The following PCDHA9 variants were observed in gnomAD, a reference collection of about 807,000 sequenced individuals.
PCDHA9 encodes protocadherin alpha-9.
A neutral mutation model predicts 62.0 loss-of-function variants in PCDHA9; 62 were observed. That is an observed-to-expected ratio of 1.00 (90% confidence interval 0.81 to 1.23). PCDHA9 has a LOEUF of 1.23. Among genes scored for constraint, PCDHA9 ranks in the 50% most tolerant of loss-of-function variants. PCDHA9 has a pLI of 0.00. For missense variants in PCDHA9, 1,205 were observed against 1,249.8 expected (o/e 0.96, Z 0.54); for synonymous variants, 557 against 567.6 (o/e 0.98, Z 0.27).
At position 140,851,623 on chromosome 5, in the gene PCDHA9, TA is replaced by T. The variant is rs1286415417; in HGVS notation, c.2394+737del. 3.6e-5 allele frequency: 33 copies of T among 920,270 alleles called. 3 individuals carry two copies. Among genetic ancestry groups the T allele is most frequent in the Non-Finnish European group, 3.8e-5 (29 of 756,686 alleles). The allele number at this position is 920,270 out of a possible 1,614,324, so 57.0% of individuals were successfully genotyped here. On this transcript the variant is annotated intron_variant, in intron 1 of 3. Transcript: ENST00000532602. ...TACAGAAATTGGAGAAAATGCTTTT[TA>T]AACAAGTGTTTCCTTTCTTCAAGAA... is the stretch of plus-strand genomic sequence containing the variant.
At chr5:140,892,086 C>T (rs965682257) in intron 1 of PCDHA9, among the ~76,000 whole-genome samples, 1 of 152,156 alleles carries the variant, frequency 6.6e-6, no homozygotes, top group Non-Finnish European at 1.5e-5. Context: ...CTAGTTTCCT[C>T]TCGAAACTTT....
chr5:140,983,270 GGGT>G (rs1349296894), intron 3 of PCDHA9, among the ~76,000 whole-genome samples: 4 of 152,152 alleles, frequency 2.6e-5, no homozygotes, highest in Non-Finnish European at 2.9e-5. Flanking sequence ...CCTAATGGCT[GGGT>G]GAGTATAGGA....
chr5:140,968,355 G>C lies in PCDHA9; in HGVS notation c.2395-10594G>C. On this transcript the variant is annotated intron_variant, in intron 1 of 3. Transcript: ENST00000532602. ...GTCTCCATTAACAGTGCCAGTGGCA[G>C]CCTTTATGCTGTCAACTCCTTTGAC... 1 of 1,614,080 alleles carries C rather than the reference G, an allele frequency of 6.2e-7. No individual in the cohort carries two copies. The highest frequency in any genetic ancestry group is 8.5e-7 in the Non-Finnish European group (1 of 1,180,010).
At chr5:140,942,907 C>T (rs990206907) in intron 1 of PCDHA9, among the ~76,000 whole-genome samples, 14 of 151,044 alleles carry the variant, frequency 9.3e-5, no homozygotes, top group Non-Finnish European at 1.6e-4. Flanking sequence ...TAAGAATAAG[C>T]GTGAAGAAAA....
intron 3 of PCDHA9, among the ~76,000 whole-genome samples, chr5:141,006,902 A>T (rs1563704110): frequency 6.6e-6 from 1 of 152,218 alleles, no homozygotes; most frequent in Non-Finnish European, 1.5e-5. Context: ...AGATTTCTTC[A>T]GTTTGGGATG....
intron 1 of PCDHA9, among the ~76,000 whole-genome samples, chr5:140,975,280 T>G (rs914764307): frequency 5.3e-5 from 8 of 152,252 alleles, no homozygotes; most frequent in Admixed American, 3.9e-4. Context: ...CTCTGACCTC[T>G]AGACCCAGAT....
intron 1 of PCDHA9, among the ~76,000 whole-genome samples, chr5:140,893,651 A>G (rs1422431076): frequency 6.6e-6 from 1 of 152,106 alleles, no homozygotes; most frequent in Non-Finnish European, 1.5e-5. Context: ...TTTGGCTGAT[A>G]GTTTTAAAAA....
intron 3 of PCDHA9, among the ~76,000 whole-genome samples, chr5:140,987,213 CA>C (rs58319157): frequency 0.029 from 3,412 of 118,662 alleles, 64 homozygotes; most frequent in African/African-American, 0.058. Flanking sequence ...GACTCCATCT[CA>C]AAAAAAAAAA....
At chr5:140,909,598 T>A (rs934160611) in intron 1 of PCDHA9, among the ~76,000 whole-genome samples, 1 of 152,198 alleles carries the variant, frequency 6.6e-6, no homozygotes, top group Non-Finnish European at 1.5e-5. Flanking sequence ...ATTTACTATT[T>A]TTCTAGGTAG....
intron 1 of PCDHA9, among the ~76,000 whole-genome samples, chr5:140,951,224 A>G (rs539647356): frequency 3.2e-4 from 49 of 151,938 alleles, no homozygotes; most frequent in Non-Finnish European, 6.9e-4. Context: ...TGGATTCTTG[A>G]TGGTCTTTAC....
chr5:140,877,969 A>G (rs2057419330), intron 1 of PCDHA9: 1 of 1,276,842 alleles, frequency 7.8e-7, no homozygotes, highest in African/African-American at 1.5e-5. Flanking sequence ...TTTCTTGGTC[A>G]TTCTTACTCA....
At chr5:140,953,959 C>T (rs2094958753) in intron 1 of PCDHA9, among the ~76,000 whole-genome samples, 1 of 152,044 alleles carries the variant, frequency 6.6e-6, no homozygotes, top group South Asian at 2.1e-4. Flanking sequence ...CAACAGGCCC[C>T]AGTGTGTGTT....
chr5:141,006,769 A>G (rs575481848), intron 3 of PCDHA9, among the ~76,000 whole-genome samples: 1 of 152,208 alleles, frequency 6.6e-6, no homozygotes, highest in Non-Finnish European at 1.5e-5. Flanking sequence ...AGAATAGAAT[A>G]GAGAAAAATG....
intron 1 of PCDHA9, chr5:140,928,113 G>C: frequency 6.2e-7 from 1 of 1,614,228 alleles, no homozygotes; most frequent in Admixed American, 1.7e-5. Context: ...ACCGGGAGCA[G>C]ATCAGTGAAT....
intron 1 of PCDHA9, chr5:140,853,991 C>A: frequency 2.1e-6 from 1 of 473,788 alleles, no homozygotes; most frequent in Non-Finnish European, 2.8e-6. Context: ...TAGTGAGACT[C>A]ATCTCTGCCA....
chr5:141,009,339 G>A (rs1328874922), intron 3 of PCDHA9, among the ~76,000 whole-genome samples: 13 of 152,168 alleles, frequency 8.5e-5, no homozygotes, highest in African/African-American at 3.1e-4. Context: ...TGTGCCTGTA[G>A]TTCCAGCTAC....
At chr5:140,926,693 C>T (rs576013331) in intron 1 of PCDHA9, 12 of 742,944 alleles carry the variant, frequency 1.6e-5, no homozygotes, top group African/African-American at 9.2e-5. Context: ...CTAGCAAGCC[C>T]GGCTCCCAGC....
chr5:140,893,111 T>G (rs2063826181), intron 1 of PCDHA9, among the ~76,000 whole-genome samples: 1 of 152,236 alleles, frequency 6.6e-6, no homozygotes, highest in Non-Finnish European at 1.5e-5. Flanking sequence ...TATTCCGTTG[T>G]GCATATACAC....
chr5:140,967,114 C>T (rs782407413), intron 1 of PCDHA9: 17 of 1,612,932 alleles, frequency 1.1e-5, no homozygotes, highest in Non-Finnish European at 1.4e-5. Flanking sequence ...AGCGGCCTCG[C>T]TGCCTGCTCA....
Sources: gnomAD v4.1 joint callset for allele counts (sites outside exome capture counted in the v4.1 genomes callset) on GRCh38, gnomAD v4.1.1 for gene constraint, MANE v1.5 for transcripts, NCBI Gene and HGNC (gene_info 2026-07-23, HGNC 2026-07-21) for gene names.